Variants in C11orf65 observed in about 807,000 individuals in gnomAD.
The protein encoded by C11orf65 is protein MFI.
A neutral mutation model predicts 35.3 loss-of-function variants in C11orf65; 38 were observed. That is an observed-to-expected ratio of 1.08 (90% CI 0.83 to 1.41). The LOEUF (loss-of-function observed/expected upper bound fraction) is 1.41. Ranked by LOEUF, C11orf65 falls within the 40% of genes most tolerant of loss-of-function variation. C11orf65 has a pLI of 0.00. For synonymous variants in C11orf65, 105 were observed against 114.4 expected, an observed-to-expected ratio of 0.92 and a Z score of 0.53; for missense variants, 370 against 367.1, an observed-to-expected ratio of 1.01 and a Z score of -0.06.
chr11:108,412,990 C>T (rs2092682817), intron 3 of C11orf65, among the ~76,000 whole-genome samples: 1 of 152,132 alleles, frequency 6.6e-6, no homozygotes, highest in Non-Finnish European at 1.5e-5. Context: ...TTCAATACCC[C>T]TCTATCAGTA....
intron 8 of C11orf65, 87 bp downstream of exon 8, chr11:108,385,833 G>T: frequency 9.1e-7 from 1 of 1,100,154 alleles, no homozygotes; most frequent in Non-Finnish European, 1.4e-6. Context: ...GCAGATTACT[G>T]AAATGTTAAA....
chr11:108,332,847 A>C lies in C11orf65; in HGVS notation c.300-1280T>G, dbSNP rs876660121. 1 of 1,613,188 alleles carries C rather than the reference A, an allele frequency of 6.2e-7. No individual in the cohort carries two copies. The highest frequency in any genetic ancestry group is 1.7e-5 in the Admixed American group (1 of 60,018). ...GTCAGAAGTGTTGAGGCACTTTGTG[A>C]TGCTTATATTATATTAGCAAACTTA... On this transcript the variant is annotated intron_variant, in intron 3 of 3. Transcript: ENST00000524755.
intron 2 of C11orf65, among the ~76,000 whole-genome samples, chr11:108,460,037 G>A (rs995668661): frequency 7.9e-5 from 12 of 152,216 alleles, no homozygotes; most frequent in African/African-American, 2.4e-4. Context: ...GGGAAGCTGA[G>A]GTTGGAGGAT....
At chr11:108,382,551 G>GTTA (rs1293265695), downstream of C11orf65, among the ~76,000 whole-genome samples, 1 of 152,080 alleles carries the variant, frequency 6.6e-6, no homozygotes, top group African/African-American at 2.4e-5. Context: ...AAACTAGAAT[G>GTTA]AGTAAGCAGA....
chr11:108,403,668 T>C (rs1419766971), intron 6 of C11orf65, among the ~76,000 whole-genome samples: 2 of 152,186 alleles, frequency 1.3e-5, no homozygotes, highest in East Asian at 3.8e-4. Context: ...ATAATCTCTT[T>C]TCAGTTAATT....
chr11:108,387,068 C>T (rs1448757259), intron 7 of C11orf65, among the ~76,000 whole-genome samples: 28 of 145,310 alleles, frequency 1.9e-4, no homozygotes, highest in African/African-American at 1.5e-4. Flanking sequence ...GGTGACAGAG[C>T]GAGATCTCAA....
At chr11:108,354,047 A>G (rs1320114784) in intron 2 of C11orf65, among the ~76,000 whole-genome samples, 1 of 142,894 alleles carries the variant, frequency 7.0e-6, no homozygotes, top group Non-Finnish European at 1.5e-5. Context: ...AAGACCCTGT[A>G]TCTAAAAAAA....
chr11:108,354,058 TACACACACACAAACACACACAC>T (rs1222791166), intron 2 of C11orf65, among the ~76,000 whole-genome samples: 28 of 67,058 alleles, frequency 4.2e-4, no homozygotes, highest in East Asian at 7.8e-4. Flanking sequence ...TCTAAAAAAA[TACACACACACAAACACACACAC>T]ACACACACAC....
chr11:108,432,462 G>T (rs145474314), intron 2 of C11orf65, among the ~76,000 whole-genome samples: 5 of 152,048 alleles, frequency 3.3e-5, no homozygotes, highest in Non-Finnish European at 7.4e-5. Flanking sequence ...TGGTAACAAC[G>T]ACTAATATTT....
At chr11:108,332,132 C>T (rs182757480) in intron 3 of C11orf65, 1 of 1,499,796 alleles carries the variant, frequency 6.7e-7, no homozygotes, top group Admixed American at 1.9e-5. Context: ...AAGATGCCAT[C>T]TAAAATCGGT....
chr11:108,452,999 G>A (rs181536019), intron 2 of C11orf65, among the ~76,000 whole-genome samples: 52 of 117,328 alleles, frequency 4.4e-4, no homozygotes, highest in African/African-American at 1.5e-3. Context: ...AGGGCCTGTC[G>A]TGGGGTGGGG....
intron 2 of C11orf65, among the ~76,000 whole-genome samples, chr11:108,450,051 G>A (rs1265655950): frequency 6.6e-5 from 10 of 152,060 alleles, no homozygotes; most frequent in East Asian, 5.8e-4. Flanking sequence ...ATCACTGGCT[G>A]TCAGAGAAAT....
intron 3 of C11orf65, chr11:108,334,828 C>A: frequency 1.0e-6 from 1 of 962,976 alleles, no homozygotes; most frequent in Non-Finnish European, 1.6e-6. Context: ...CCACACCCGG[C>A]CTAAAGTTGT....
rs1205081205 is a variant in C11orf65 at position 108,335,327 on chromosome 11, G to T, written c.227-35C>A. 7 of 1,420,258 alleles carry T rather than the reference G, an allele frequency of 4.9e-6. No homozygotes were observed. In the African/African-American group the frequency reaches 1.0e-4, roughly 20 times the overall value. 88.0% of individuals were successfully genotyped at this position (1,420,258 alleles called of 1,614,324 possible). The stretch of plus-strand genomic sequence containing the variant: ...AATCATTATTATATGGTTGATTCAA[G>T]TAAAAGAATACCATTAACATGTACA... On this transcript the variant is annotated intron_variant, in intron 2 of 3. Coordinates refer to the C11orf65 transcript ENST00000524755.
chr11:108,335,353 G>GT, intron 2 of C11orf65: 1 of 1,221,774 alleles, frequency 8.2e-7, no homozygotes, highest in Non-Finnish European at 1.1e-6. Flanking sequence ...AACATGTACA[G>GT]ACATGTACAG....
At position 108,311,879 on chromosome 11, in the gene C11orf65, A is replaced by C. The variant is rs145043577; in HGVS notation, c.641-2808T>G. 7.8e-3 allele frequency among the ~76,000 whole-genome samples: 1,183 copies of C among 152,320 alleles called. 11 individuals carry two copies. The highest frequency in any genetic ancestry group is 0.025 in the African/African-American group (1,051 of 41,562). Reference sequence around the variant, plus strand: ...TGAATGTTATATGTATAAAATGCATAAAGTTAAGGCCTTGAAGTAGGCAAA... The same window carrying C: ...TGAATGTTATATGTATAAAATGCATCAAGTTAAGGCCTTGAAGTAGGCAAA... On this transcript the variant is annotated intron_variant, in intron 6 of 6. Transcript: ENST00000525729.
At chr11:108,342,369 ATAGT>A (rs1227503975) in intron 2 of C11orf65, among the ~76,000 whole-genome samples, 10 of 152,224 alleles carry the variant, frequency 6.6e-5, no homozygotes, top group Admixed American at 5.2e-4. Context: ...ATATGCTCAC[ATAGT>A]TAGGATAAAA....
chr11:108,355,214 A>G (rs79429454), intron 2 of C11orf65: 3 of 292,844 alleles, frequency 1.0e-5, no homozygotes, highest in Non-Finnish European at 2.0e-5. Flanking sequence ...TCAGAAATTT[A>G]TATCTCCTTT....
chr11:108,468,144 CCTATTTAATT>C (rs1427489713), upstream of C11orf65, among the ~76,000 whole-genome samples: 1 of 152,164 alleles, frequency 6.6e-6, no homozygotes, highest in Non-Finnish European at 1.5e-5. Context: ...CCGCGCCCGG[CCTATTTAATT>C]AGTTTAATTT....
Sources: gnomAD v4.1 joint callset for allele counts (sites outside exome capture counted in the v4.1 genomes callset) on GRCh38, gnomAD v4.1.1 for gene constraint, MANE v1.5 for transcripts, NCBI Gene and HGNC (gene_info 2026-07-23, HGNC 2026-07-21) for gene names.